Variants in TXNRD1 observed in about 807,000 individuals in gnomAD.
TXNRD1 encodes the protein thioredoxin reductase 1, cytoplasmic.
In TXNRD1, 57 loss-of-function variants were observed where a neutral mutation model predicts 80.3. The observed-to-expected ratio is 0.71, with a 90% CI of 0.57 to 0.89. The LOEUF is 0.89. Ranked by LOEUF, TXNRD1 falls within the 40% of genes least tolerant of loss-of-function variation. The pLI, the probability that TXNRD1 is intolerant of heterozygous loss-of-function variation, is 0.00. For missense variants in TXNRD1, 730 were observed against 803.0 expected, an observed-to-expected ratio of 0.91 and a Z score of 1.10; for synonymous variants, 291 against 285.2, an observed-to-expected ratio of 1.02 and a Z score of -0.20.
intron 3 of TXNRD1, among the ~76,000 whole-genome samples, chr12:104,259,240 G>T (rs560175721): frequency 6.6e-6 from 1 of 152,020 alleles, no homozygotes; most frequent in Non-Finnish European, 1.5e-5. Flanking sequence ...AATTAGCTGG[G>T]TGTGGTGGTG....
intron 4 of TXNRD1, among the ~76,000 whole-genome samples, chr12:104,293,196 TGA>T (rs2034289830): frequency 6.6e-6 from 1 of 152,190 alleles, no homozygotes; most frequent in Admixed American, 6.5e-5. Context: ...TTGGTGGTAC[TGA>T]GAGGAGAAGC....
Position 104,325,395 on chromosome 12 carries a change from A to G in TXNRD1, c.1274A>G (p.Asn425Ser), listed in dbSNP as rs367824614. ...CTCAGAGTAGTAGCTCAGTCCACCA[A>G]TAGTGAGGAAATCATTGAAGGAGAA... ...GRLRVVAQST[N>S]SEEIIEGEYN... The change falls in exon 11 of 17, where the codon AAT becomes AGT. Residue 425 changes from asparagine (N) to serine (S), a missense_variant. Asn to Ser is a conservative substitution (Grantham distance 46). Transcript: ENST00000525566. 4 of 1,613,258 alleles carry G rather than the reference A, an allele frequency of 2.5e-6. No homozygotes were observed. The highest frequency in any genetic ancestry group is 2.2e-5 in the East Asian group (1 of 44,890).
At chr12:104,307,899 A>G (rs2034985875) in intron 4 of TXNRD1, among the ~76,000 whole-genome samples, 1 of 152,116 alleles carries the variant, frequency 6.6e-6, no homozygotes, top group Non-Finnish European at 1.5e-5. Flanking sequence ...GTCATCTCAT[A>G]TTCTATAGCA....
chr12:104,343,521 C>A (rs1302555403), intron 16 of TXNRD1, among the ~76,000 whole-genome samples: 1 of 152,106 alleles, frequency 6.6e-6, no homozygotes, highest in Non-Finnish European at 1.5e-5. Flanking sequence ...AGTAAGAGGC[C>A]AGGCGTGGTG....
chr12:104,314,752 T>C (rs2035262403), intron 6 of TXNRD1, among the ~76,000 whole-genome samples: 2 of 146,656 alleles, frequency 1.4e-5, no homozygotes, highest in African/African-American at 5.1e-5. Flanking sequence ...TTTTTTTTTT[T>C]TTTTTTTGAG....
intron 4 of TXNRD1, chr12:104,309,660 T>A: frequency 1.3e-6 from 1 of 778,632 alleles, no homozygotes; most frequent in Non-Finnish European, 1.9e-6. Context: ...CAGGAAGTCA[T>A]GCTCTTTGAG....
rs1263173013 is a variant in TXNRD1 at position 104,321,432 on chromosome 12, T to C, written c.1215+116T>C. 3.3e-5 allele frequency: 26 copies of C among 783,084 alleles called. 1 individual carries two copies. Among genetic ancestry groups the C allele is most frequent in the South Asian group, 1.7e-4 (10 of 59,326 alleles). The allele number at this position is 783,084 out of a possible 1,614,324, so 48.5% of individuals were successfully genotyped here. The stretch of plus-strand genomic sequence containing the variant: ...CATTATAAACCATCAGGAATGCTGA[T>C]TCCCCTACTGTTGTATACTGGTATA... On this transcript the variant is annotated intron_variant, in intron 10 of 16. Coordinates refer to ENST00000525566, the MANE Select transcript of TXNRD1 (RefSeq NM_001093771.3).
chr12:104,215,824 G>A lies in TXNRD1; in HGVS notation c.22G>A (p.Ala8Thr). The change falls in exon 1 of 17, where the codon GCA becomes ACA. Residue 8 changes from alanine to threonine, a missense_variant. Physicochemically the swap from Ala to Thr is moderately conservative, Grantham distance 58. Coordinates refer to ENST00000525566, the MANE Select transcript of TXNRD1 (RefSeq NM_001093771.3). MGCAEGK[A>T]VAAAAPTELQ... ...CGACATGGGCTGCGCCGAGGGCAAG[G>A]CAGTGGCGGCGGCCGCCCCAACGGA... is the stretch of plus-strand genomic sequence containing the variant. 6.4e-7 allele frequency: 1 copy of A among 1,563,374 alleles called. No individual in the cohort carries two copies. Among genetic ancestry groups the A allele is most frequent in the Non-Finnish European group, 8.7e-7 (1 of 1,154,824 alleles).
chr12:104,326,291 G>T, intron 11 of TXNRD1, 56 bp from the exon 12 acceptor site: 4 of 1,177,292 alleles, frequency 3.4e-6, no homozygotes, highest in Non-Finnish European at 4.8e-6. Context: ...ATATGATTAG[G>T]TAATAAATGC....
chr12:104,286,824 G>T, intron 3 of TXNRD1: 1 of 1,052,156 alleles, frequency 9.5e-7, no homozygotes, highest in Non-Finnish European at 1.2e-6. Flanking sequence ...TCTTAGGTTG[G>T]GGGCGGCTAT....
chr12:104,305,998 G>A lies in TXNRD1; in HGVS notation c.415-5292G>A, dbSNP rs183180830. The stretch of plus-strand genomic sequence containing the variant: ...GGCCCACTGCAACCTCTGCCTGCGG[G>A]GTTCAGGCGATTCTTGTGCCTCAGC... On this transcript the variant is annotated intron_variant, in intron 4 of 16. Coordinates refer to ENST00000525566, the MANE Select transcript of TXNRD1 (RefSeq NM_001093771.3). Among the ~76,000 whole-genome samples, 140 of 152,174 alleles carry A rather than the reference G, an allele frequency of 9.2e-4. No individual in the cohort carries two copies. In the Middle Eastern group the frequency reaches 0.017, roughly 18 times the overall value.
chr12:104,225,496 A>G (rs2032452483), intron 1 of TXNRD1, among the ~76,000 whole-genome samples: 1 of 152,194 alleles, frequency 6.6e-6, no homozygotes, highest in Non-Finnish European at 1.5e-5. Flanking sequence ...CAAGGGCAGT[A>G]CCAGATGGAG....
intron 3 of TXNRD1, among the ~76,000 whole-genome samples, chr12:104,274,128 A>G (rs2033708534): frequency 6.6e-6 from 1 of 152,208 alleles, no homozygotes; most frequent in African/African-American, 2.4e-5. Context: ...CTGGTGGAGA[A>G]CTATAAGGTT....
At chr12:104,334,661 A>G (rs1198228656) in intron 15 of TXNRD1, among the ~76,000 whole-genome samples, 1 of 152,186 alleles carries the variant, frequency 6.6e-6, no homozygotes, top group Non-Finnish European at 1.5e-5. Context: ...GTGAGCCACC[A>G]TACCCGGCTT....
At chr12:104,294,767 A>C (rs2034383813) in intron 4 of TXNRD1, among the ~76,000 whole-genome samples, 1 of 152,178 alleles carries the variant, frequency 6.6e-6, no homozygotes, top group South Asian at 2.1e-4. Context: ...CACTGCACCC[A>C]GCCAGGTCTC....
chr12:104,224,791 CT>C (rs2032436718), intron 1 of TXNRD1: 1 of 455,222 alleles, frequency 2.2e-6, no homozygotes, highest in Non-Finnish European at 4.4e-6. Flanking sequence ...TCCTGATTTT[CT>C]CCCCCACTGT....
chr12:104,245,838 G>T (rs1373801408), intron 1 of TXNRD1, among the ~76,000 whole-genome samples: 1 of 151,964 alleles, frequency 6.6e-6, no homozygotes, highest in East Asian at 1.9e-4. Flanking sequence ...GGCCGGGCGC[G>T]GTGGCTCACG....
chr12:104,235,533 C>G (rs1163773834), intron 1 of TXNRD1, among the ~76,000 whole-genome samples: 5 of 152,118 alleles, frequency 3.3e-5, no homozygotes, highest in Admixed American at 3.3e-4. Context: ...GTTTACCAGT[C>G]GGGCTTTTGG....
intron 4 of TXNRD1, among the ~76,000 whole-genome samples, chr12:104,301,185 A>G (rs2034611301): frequency 6.6e-6 from 1 of 152,174 alleles, no homozygotes; most frequent in South Asian, 2.1e-4. Flanking sequence ...GGGAGAATAT[A>G]GTTTTCTAAG....
Sources: gnomAD v4.1 joint callset for allele counts (sites outside exome capture counted in the v4.1 genomes callset) on GRCh38, gnomAD v4.1.1 for gene constraint, MANE v1.5 for transcripts, NCBI Gene and HGNC (gene_info 2026-07-23, HGNC 2026-07-21) for gene names.